Variants in DOCK8 observed in about 807,000 individuals in gnomAD.
DOCK8 encodes dedicator of cytokinesis 8.
A neutral mutation model predicts 245.6 loss-of-function variants in DOCK8; 141 were observed. That is an observed-to-expected ratio of 0.57 (90% CI 0.50 to 0.66). The LOEUF (loss-of-function observed/expected upper bound fraction) is 0.66. DOCK8 is among the 30% of genes least tolerant of loss of function. DOCK8 has a pLI of 0.00. For synonymous variants in DOCK8, 1,168 were observed against 970.2 expected (o/e 1.20, Z -3.79); for missense variants, 2,965 against 2,603.4 (o/e 1.14, Z -3.02).
chr9:249,814 C>G (rs950130320), intron 1 of DOCK8, among the ~76,000 whole-genome samples: 14 of 148,496 alleles, frequency 9.4e-5, no homozygotes, highest in Non-Finnish European at 2.1e-4. Context: ...TTTTAGTGGG[C>G]AAGGGGTTTC....
At chr9:415,031 C>A (rs1004421370) in intron 29 of DOCK8, 80 bp downstream of exon 29, 2 of 1,561,732 alleles carry the variant, frequency 1.3e-6, no homozygotes, top group African/African-American at 2.7e-5. Flanking sequence ...CTCTGTCATT[C>A]GTTCCAGTGC....
chr9:340,480 G>C, intron 14 of DOCK8, 159 bp downstream of exon 14: 1 of 833,922 alleles, frequency 1.2e-6, no homozygotes, highest in Middle Eastern at 3.5e-4. Flanking sequence ...ATTTAGCTGG[G>C]CATGGTGGTG....
rs903004663 is a variant in DOCK8 at position 393,105 on chromosome 9, A to G, written c.2970+2539A>G. ...TGTCTCAAAAAAAAAAAAAAAAAAA[A>G]AAAAAAAAAGAAGAAGAAGAAGAAG... is the stretch of plus-strand genomic sequence containing the variant. On this transcript the variant is annotated intron_variant, in intron 24 of 47. Coordinates refer to ENST00000432829, the MANE Select transcript of DOCK8 (RefSeq NM_203447.4). 9.4e-4 allele frequency among the ~76,000 whole-genome samples: 142 copies of G among 150,368 alleles called. 1 individual carries two copies. The highest frequency in any genetic ancestry group is 3.1e-3 in the African/African-American group (128 of 40,700).
intron 36 of DOCK8, among the ~76,000 whole-genome samples, chr9:431,178 C>G (rs1227107886): frequency 6.6e-6 from 1 of 152,106 alleles, no homozygotes; most frequent in African/African-American, 2.4e-5. Flanking sequence ...CTAGCCAAGA[C>G]TTGAGTTTTA....
chr9:215,316 C>T (rs1280907370), intron 1 of DOCK8: 4 of 1,604,384 alleles, frequency 2.5e-6, no homozygotes, highest in Admixed American at 1.7e-5. Context: ...CTCCGCCCTC[C>T]AGGTTCTTAC....
intron 5 of DOCK8, among the ~76,000 whole-genome samples, chr9:305,587 T>C (rs966735637): frequency 1.3e-5 from 2 of 152,182 alleles, no homozygotes; most frequent in African/African-American, 4.8e-5. Context: ...GCCTGGCCAG[T>C]TGTCATTATT....
chr9:324,889 T>C (rs1035957228), intron 7 of DOCK8, among the ~76,000 whole-genome samples: 9 of 152,200 alleles, frequency 5.9e-5, no homozygotes, highest in Admixed American at 5.2e-4. Context: ...AATTGTATAG[T>C]AGTAAAGTTT....
intron 2 of DOCK8, among the ~76,000 whole-genome samples, chr9:277,340 A>G (rs1366172574): frequency 2.0e-5 from 3 of 151,826 alleles, no homozygotes; most frequent in African/African-American, 7.3e-5. Flanking sequence ...CAGAAGGATC[A>G]CTTGAACTCA....
At chr9:340,602 C>A (rs993505263) in intron 14 of DOCK8, 1 of 273,808 alleles carries the variant, frequency 3.7e-6, no homozygotes, top group South Asian at 5.7e-5. Flanking sequence ...GCCTGGGAGA[C>A]AGAACCAGAC....
chr9:448,271 G>T (rs1038738658), intron 44 of DOCK8, among the ~76,000 whole-genome samples: 1 of 152,054 alleles, frequency 6.6e-6, no homozygotes, highest in Non-Finnish European at 1.5e-5. Flanking sequence ...TAAAAATACA[G>T]AGAGATATAT....
chr9:429,642 G>T (rs113386061), intron 35 of DOCK8, 60 bp from the exon 36 acceptor site: 3 of 1,597,522 alleles, frequency 1.9e-6, no homozygotes, highest in African/African-American at 1.3e-5. Context: ...ATATTTCAAC[G>T]GTCCAGAAAG....
chr9:222,666 C>G (rs981566137), intron 1 of DOCK8, among the ~76,000 whole-genome samples: 1 of 152,158 alleles, frequency 6.6e-6, no homozygotes, highest in African/African-American at 2.4e-5. Context: ...AATAGTCATG[C>G]ATTTCTCCTT....
chr9:383,727 C>G (rs1255926049), intron 22 of DOCK8, among the ~76,000 whole-genome samples: 1 of 121,178 alleles, frequency 8.3e-6, no homozygotes, highest in African/African-American at 2.7e-5. Flanking sequence ...AAAAAAAAAT[C>G]CCAAGGAGCA....
At position 325,684 on chromosome 9, in the gene DOCK8, A is replaced by G. The variant is rs1412000721; in HGVS notation, c.841A>G (p.Ile281Val). The part of the protein sequence containing the change: ...KLLTLKFEIE[I>V]EPLFASIALY... ...TTTCTATGGTAGGTTCGAGATTGAA[A>G]TTGAGCCCCTGTTTGCCAGCATTGC... The change falls in exon 8 of 48, where the codon ATT becomes GTT. Residue 281 changes from isoleucine (I) to valine (V), a missense_variant. Coordinates refer to ENST00000432829, the MANE Select transcript of DOCK8 (RefSeq NM_203447.4). The G allele has an allele frequency of 6.2e-7, 1 of 1,614,074 alleles. No homozygotes were observed. The highest frequency in any genetic ancestry group is 8.5e-7 in the Non-Finnish European group (1 of 1,179,924).
intron 14 of DOCK8, among the ~76,000 whole-genome samples, chr9:343,281 C>G (rs1339117394): frequency 6.6e-6 from 1 of 152,072 alleles, no homozygotes; most frequent in African/African-American, 2.4e-5. Flanking sequence ...CTGCTTGAGT[C>G]TAGGAGTTTA....
At chr9:415,554 A>G (rs755880139) in intron 29 of DOCK8, among the ~76,000 whole-genome samples, 3 of 152,212 alleles carry the variant, frequency 2.0e-5, no homozygotes, top group Non-Finnish European at 2.9e-5. Flanking sequence ...TCTATTTACA[A>G]ATTACATTGT....
chr9:329,614 A>G (rs2050917129), intron 9 of DOCK8, among the ~76,000 whole-genome samples: 1 of 152,212 alleles, frequency 6.6e-6, no homozygotes, highest in Admixed American at 6.5e-5. Flanking sequence ...TTACTTAGAC[A>G]TACAGGAAAA....
chr9:316,809 C>T (rs1189310640), intron 6 of DOCK8, among the ~76,000 whole-genome samples: 1 of 152,154 alleles, frequency 6.6e-6, no homozygotes, highest in Non-Finnish European at 1.5e-5. Context: ...CTGCTTCAGT[C>T]TCTTTGTCTT....
chr9:358,991 T>C (rs1479848742), intron 14 of DOCK8, among the ~76,000 whole-genome samples: 1 of 152,246 alleles, frequency 6.6e-6, no homozygotes, highest in Non-Finnish European at 1.5e-5. Context: ...TCAGTGCTTC[T>C]CAAACTTGAA....
Sources: gnomAD v4.1 joint callset for allele counts (sites outside exome capture counted in the v4.1 genomes callset) on GRCh38, gnomAD v4.1.1 for gene constraint, MANE v1.5 for transcripts, NCBI Gene and HGNC (gene_info 2026-07-23, HGNC 2026-07-21) for gene names.